Variants in ATXN1 observed in about 807,000 individuals in gnomAD.
The protein encoded by ATXN1 is ataxin 1, also known as ataxin-1.
In ATXN1, 8 loss-of-function variants were observed where a neutral mutation model predicts 56.4. The observed-to-expected ratio is 0.14, with a 90% CI of 0.08 to 0.26. The LOEUF (loss-of-function observed/expected upper bound fraction) is 0.26, where lower values mean the gene tolerates loss of function less well. Ranked by LOEUF, ATXN1 falls within the 10% of genes least tolerant of loss-of-function variation. The pLI is 1.00. For synonymous variants in ATXN1, 514 were observed against 494.6 expected (o/e 1.04, Z -0.52); for missense variants, 987 against 1,106.5 (o/e 0.89, Z 1.53).
intron 6 of ATXN1, among the ~76,000 whole-genome samples, chr6:16,482,639 T>G (rs1217166179): frequency 6.6e-6 from 1 of 152,216 alleles, no homozygotes; most frequent in Non-Finnish European, 1.5e-5. Flanking sequence ...ATCGTTCCTG[T>G]TTATTTTCAA....
At chr6:16,645,959 C>A (rs992216767) in intron 3 of ATXN1, among the ~76,000 whole-genome samples, 1 of 152,160 alleles carries the variant, frequency 6.6e-6, no homozygotes, top group Non-Finnish European at 1.5e-5. Flanking sequence ...GTGGCACATG[C>A]CCATAATCCC....
intron 3 of ATXN1, among the ~76,000 whole-genome samples, chr6:16,604,668 C>T (rs1366651511): frequency 6.7e-6 from 1 of 150,022 alleles, no homozygotes; most frequent in Non-Finnish European, 1.5e-5. Flanking sequence ...TCACTGCAGC[C>T]TCAGCCTCCT....
Position 16,712,674 on chromosome 6 carries a change from C to G in ATXN1, c.-615+40559G>C, listed in dbSNP as rs952128027. ...TCAAATTGGAAGCTAGGGGAGGGAA[C>G]TGAGTAAAGGCAGGGACCTGAACAT... is the stretch of plus-strand genomic sequence containing the variant. On this transcript the variant is annotated intron_variant, in intron 2 of 7. Coordinates refer to ENST00000436367, the MANE Select transcript of ATXN1 (RefSeq NM_001128164.2). Among the ~76,000 whole-genome samples, 6 of 151,184 alleles carry G rather than the reference C, an allele frequency of 4.0e-5. No homozygotes were observed. In the East Asian group the frequency reaches 1.2e-3, roughly 29 times the overall value.
At position 16,410,811 on chromosome 6, in the gene ATXN1, C is replaced by T. The variant is rs571419238; in HGVS notation, c.-161+75161G>A. 5.9e-5 allele frequency among the ~76,000 whole-genome samples: 9 copies of T among 152,228 alleles called. 1 individual carries two copies. Among genetic ancestry groups the T allele is most frequent in the East Asian group, 3.9e-4 (2 of 5,176 alleles). ...TAGCAGTACGTATTTTGAATGAGAA[C>T]GGCCAGTGCTAAAGATGGAAAATAG... is the stretch of plus-strand genomic sequence containing the variant. On this transcript the variant is annotated intron_variant, in intron 6 of 7. Coordinates refer to ENST00000436367, the MANE Select transcript of ATXN1 (RefSeq NM_001128164.2). The surrounding 1 kb of genome is among the most constrained non-coding windows in gnomAD (Gnocchi z 4.6).
At chr6:16,641,916 C>A (rs1763713288) in intron 3 of ATXN1, among the ~76,000 whole-genome samples, 1 of 152,124 alleles carries the variant, frequency 6.6e-6, no homozygotes, top group Non-Finnish European at 1.5e-5. Context: ...TTGATTCCAA[C>A]CCCCATGGAT....
At chr6:16,495,877 A>C (rs1760771638) in intron 5 of ATXN1, among the ~76,000 whole-genome samples, 1 of 152,106 alleles carries the variant, frequency 6.6e-6, no homozygotes, top group Admixed American at 6.6e-5. Context: ...TCTCAAAAAA[A>C]AAAAAAAAGT....
At chr6:16,549,970 A>G (rs1447743046) in intron 4 of ATXN1, among the ~76,000 whole-genome samples, 1 of 145,960 alleles carries the variant, frequency 6.9e-6, no homozygotes, top group Non-Finnish European at 1.5e-5. Flanking sequence ...ATGAGAACAC[A>G]TGGACACAGG....
intron 5 of ATXN1, among the ~76,000 whole-genome samples, chr6:16,519,889 C>A (rs748705185): frequency 2.0e-5 from 3 of 152,202 alleles, no homozygotes; most frequent in East Asian, 3.9e-4. Flanking sequence ...GTAACCATTA[C>A]GAAAACCACA....
chr6:16,315,236 G>C (rs937452478), intron 7 of ATXN1, among the ~76,000 whole-genome samples: 3 of 152,152 alleles, frequency 2.0e-5, no homozygotes, highest in African/African-American at 4.8e-5. Context: ...CTCCATAAAT[G>C]GTATCCCATT....
chr6:16,354,400 G>A (rs1045364316), intron 6 of ATXN1, among the ~76,000 whole-genome samples: 1 of 152,070 alleles, frequency 6.6e-6, no homozygotes, highest in Non-Finnish European at 1.5e-5. Context: ...TGGGACTACA[G>A]GTGTGCGCCA....
intron 4 of ATXN1, among the ~76,000 whole-genome samples, chr6:16,579,106 A>G (rs962169753): frequency 1.3e-5 from 2 of 152,184 alleles, no homozygotes; most frequent in African/African-American, 4.8e-5. Flanking sequence ...TGAAGTGATG[A>G]TCCCTCTGTG....
chr6:16,709,143 C>A (rs1294597789), intron 2 of ATXN1, among the ~76,000 whole-genome samples: 1 of 151,962 alleles, frequency 6.6e-6, no homozygotes, highest in Non-Finnish European at 1.5e-5. Context: ...GTAGTTCATT[C>A]TTTGAAGAGC....
chr6:16,548,321 G>A (rs556732394), intron 4 of ATXN1, among the ~76,000 whole-genome samples: 2 of 152,278 alleles, frequency 1.3e-5, no homozygotes, highest in Admixed American at 1.3e-4. Flanking sequence ...TCAGTGAGTG[G>A]GTGGTGAGCG....
intron 3 of ATXN1, among the ~76,000 whole-genome samples, chr6:16,597,721 G>A (rs1010869824): frequency 8.5e-5 from 13 of 152,186 alleles, no homozygotes; most frequent in South Asian, 4.1e-4. Flanking sequence ...ATTTGCAGGC[G>A]TGAGCCACCA....
chr6:16,559,570 A>G (rs964365618), intron 4 of ATXN1, among the ~76,000 whole-genome samples: 1 of 152,180 alleles, frequency 6.6e-6, no homozygotes, highest in African/African-American at 2.4e-5. Flanking sequence ...TAAAAAACCT[A>G]TATTTTTGCT....
intron 6 of ATXN1, among the ~76,000 whole-genome samples, chr6:16,411,202 G>A (rs149520196): frequency 6.6e-6 from 1 of 151,134 alleles, no homozygotes; most frequent in East Asian, 1.9e-4. Context: ...GCCTAAAGAT[G>A]CTTGCTGAAA....
At chr6:16,535,658 G>A (rs887775349) in intron 4 of ATXN1, among the ~76,000 whole-genome samples, 4 of 152,214 alleles carry the variant, frequency 2.6e-5, no homozygotes, top group African/African-American at 9.6e-5. Flanking sequence ...CCTTGTAAAG[G>A]TAGAGCGTAA....
intron 5 of ATXN1, among the ~76,000 whole-genome samples, chr6:16,510,865 T>C (rs1761070894): frequency 2.0e-5 from 3 of 152,156 alleles, no homozygotes; most frequent in Non-Finnish European, 4.4e-5. Flanking sequence ...TCTGGGAAGA[T>C]TTTGTCTTTT....
intron 6 of ATXN1, among the ~76,000 whole-genome samples, chr6:16,374,021 G>A (rs984814159): frequency 6.6e-6 from 1 of 151,314 alleles, no homozygotes; most frequent in East Asian, 1.9e-4. Context: ...AAGCACCACG[G>A]CATAAACCAG....
Sources: gnomAD v4.1 joint callset for allele counts (sites outside exome capture counted in the v4.1 genomes callset) on GRCh38, gnomAD v4.1.1 for gene constraint, Gnocchi (gnomAD v3.1) non-coding constraint, MANE v1.5 for transcripts, NCBI Gene and HGNC (gene_info 2026-07-23, HGNC 2026-07-21) for gene names.